The following KDM4C variants were observed in gnomAD, a reference collection of about 807,000 sequenced individuals.
KDM4C encodes lysine demethylase 4C.
A neutral mutation model predicts 129.3 loss-of-function variants in KDM4C; 81 were observed. The observed-to-expected ratio is 0.63, with a 90% CI of 0.52 to 0.75. The LOEUF is 0.75. KDM4C is among the 30% of genes least tolerant of loss of function. The pLI is 0.00. For missense variants in KDM4C, 1,457 were observed against 1,304.0 expected, an observed-to-expected ratio of 1.12 and a Z score of -1.81; for synonymous variants, 573 against 456.1, an observed-to-expected ratio of 1.26 and a Z score of -3.26.
intron 4 of KDM4C, among the ~76,000 whole-genome samples, chr9:6,832,497 C>T (rs1434281654): frequency 1.4e-5 from 2 of 139,776 alleles, no homozygotes; most frequent in Admixed American, 7.2e-5. Context: ...GCAATCTCAG[C>T]TCACTGCAAG....
intron 20 of KDM4C, among the ~76,000 whole-genome samples, chr9:7,168,206 C>G (rs1418767104): frequency 6.7e-6 from 1 of 150,266 alleles, no homozygotes; most frequent in Non-Finnish European, 1.5e-5. Context: ...AACCAAAAAC[C>G]AAAAAAAAAT....
At chr9:7,128,358 C>T in intron 19 of KDM4C, 122 bp downstream of exon 19, 1 of 623,962 alleles carries the variant, frequency 1.6e-6, no homozygotes, top group Middle Eastern at 4.5e-4. Flanking sequence ...GGTTCATAGA[C>T]TTTATCATTC....
chr9:6,787,884 G>A lies in KDM4C; in HGVS notation c.-17-5088G>A, dbSNP rs542502871. ...AGTACCAAGAACTGGATAACTAAGA[G>A]GGGGAGGAACCCCAGGATCAGTTCC... On this transcript the variant is annotated intron_variant, in intron 1 of 21. Coordinates refer to ENST00000381309, the MANE Select transcript of KDM4C (RefSeq NM_015061.6). Among the ~76,000 whole-genome samples, 3 of 152,324 alleles carry A rather than the reference G, an allele frequency of 2.0e-5. No homozygotes were observed. In the East Asian group the frequency reaches 5.8e-4, roughly 29 times the overall value.
At chr9:6,950,762 A>G (rs1262398340) in intron 8 of KDM4C, among the ~76,000 whole-genome samples, 1 of 152,196 alleles carries the variant, frequency 6.6e-6, no homozygotes, top group Non-Finnish European at 1.5e-5. Context: ...TTTATGGTTA[A>G]CTAACTAATA....
At chr9:6,838,746 T>C (rs1243970631) in intron 4 of KDM4C, among the ~76,000 whole-genome samples, 1 of 144,242 alleles carries the variant, frequency 6.9e-6, no homozygotes, top group Non-Finnish European at 1.5e-5. Flanking sequence ...AAAATAAAGA[T>C]TTAAGGAGTA....
At chr9:7,067,565 A>T (rs1832599249) in intron 17 of KDM4C, among the ~76,000 whole-genome samples, 1 of 152,186 alleles carries the variant, frequency 6.6e-6, no homozygotes, top group Non-Finnish European at 1.5e-5. Context: ...TGCACTGTTA[A>T]CTGTGACTTG....
rs146566122 is a variant in KDM4C, at chr9:7,110,224, G to A, written c.2610+6354G>A. On this transcript the variant is annotated intron_variant, in intron 18 of 21. Coordinates refer to ENST00000381309, the MANE Select transcript of KDM4C (RefSeq NM_015061.6). ...AATCAGTGATTCATCAAAGAGCCCT[G>A]GTTCTTTTTTATGGGAGCTCTACTA... is the stretch of plus-strand genomic sequence containing the variant. 1.9e-3 allele frequency among the ~76,000 whole-genome samples: 285 copies of A among 152,234 alleles called. 1 individual carries two copies. The highest frequency in any genetic ancestry group is 6.6e-3 in the African/African-American group (275 of 41,562).
At chr9:7,137,069 G>A (rs1841288512) in intron 19 of KDM4C, among the ~76,000 whole-genome samples, 1 of 152,202 alleles carries the variant, frequency 6.6e-6, no homozygotes, top group Non-Finnish European at 1.5e-5. Context: ...CTCTGGCCCT[G>A]AAAAACTTTG....
chr9:6,785,377 C>A (rs921701983), intron 1 of KDM4C, among the ~76,000 whole-genome samples: 1 of 150,892 alleles, frequency 6.6e-6, no homozygotes, highest in African/African-American at 2.4e-5. Context: ...CACTCTGTCA[C>A]ACAGGCTGGA....
At chr9:6,994,627 AT>A (rs1819366242) in intron 12 of KDM4C, among the ~76,000 whole-genome samples, 1 of 152,202 alleles carries the variant, frequency 6.6e-6, no homozygotes, top group Admixed American at 6.5e-5. Context: ...AAGAGTGGGA[AT>A]GCCCTGGATA....
At chr9:6,806,371 G>A (rs1395336189) in intron 3 of KDM4C, among the ~76,000 whole-genome samples, 1 of 152,046 alleles carries the variant, frequency 6.6e-6, no homozygotes, top group Admixed American at 6.6e-5. Flanking sequence ...GCACGTGCCT[G>A]TAATCCCAGC....
chr9:6,778,558 G>A (rs1823596002), intron 1 of KDM4C, among the ~76,000 whole-genome samples: 1 of 151,050 alleles, frequency 6.6e-6, no homozygotes, highest in Admixed American at 6.6e-5. Context: ...CCTAAGGTCA[G>A]GAGTTTGAGA....
At chr9:6,984,662 A>G (rs1027307765) in intron 10 of KDM4C, among the ~76,000 whole-genome samples, 13 of 136,730 alleles carry the variant, frequency 9.5e-5, no homozygotes, top group African/African-American at 3.1e-4. Flanking sequence ...AGATTCTAAA[A>G]TGAGTTTTTT....
At chr9:6,943,764 A>G (rs1826390334) in intron 8 of KDM4C, among the ~76,000 whole-genome samples, 1 of 152,206 alleles carries the variant, frequency 6.6e-6, no homozygotes, top group African/African-American at 2.4e-5. Flanking sequence ...TGCATTGTGT[A>G]GAAGTGGGAA....
chr9:6,968,843 A>G (rs1221479697), intron 8 of KDM4C, among the ~76,000 whole-genome samples: 1 of 152,148 alleles, frequency 6.6e-6, no homozygotes, highest in Non-Finnish European at 1.5e-5. Context: ...GGTATTTTAT[A>G]TTGGGCTTTT....
At chr9:7,013,212 TTACTTA>T (rs1823013967) in intron 13 of KDM4C, among the ~76,000 whole-genome samples, 1 of 152,204 alleles carries the variant, frequency 6.6e-6, no homozygotes, top group Non-Finnish European at 1.5e-5. Context: ...AGGTAATTCA[TTACTTA>T]TACTTTCAAG....
chr9:6,807,339 G>A (rs1212438363), intron 3 of KDM4C, among the ~76,000 whole-genome samples: 1 of 149,240 alleles, frequency 6.7e-6, no homozygotes, highest in Non-Finnish European at 1.5e-5. Flanking sequence ...CTGCCTGGCC[G>A]CCCATCGTCT....
intron 8 of KDM4C, among the ~76,000 whole-genome samples, chr9:6,975,128 A>C (rs1009030080): frequency 6.6e-6 from 1 of 152,212 alleles, no homozygotes; most frequent in African/African-American, 2.4e-5. Context: ...TAATTGCCTT[A>C]CTTTATAAGG....
At chr9:6,973,907 C>G (rs2792234) in intron 8 of KDM4C, 116,462 of 151,842 alleles carry the variant, frequency 0.77, 44,980 homozygotes, top group East Asian at 1. Flanking sequence ...TTCAACATCG[C>G]TCAGATGGTA....
Sources: gnomAD v4.1 joint callset for allele counts (sites outside exome capture counted in the v4.1 genomes callset) on GRCh38, gnomAD v4.1.1 for gene constraint, MANE v1.5 for transcripts, NCBI Gene and HGNC (gene_info 2026-07-23, HGNC 2026-07-21) for gene names.